The following PTPRM variants were observed in gnomAD, a reference collection of about 807,000 sequenced individuals.
PTPRM encodes protein tyrosine phosphatase receptor type M, also known as receptor-type tyrosine-protein phosphatase mu.
In PTPRM, 47 loss-of-function variants were observed where a neutral mutation model predicts 186.7. The ratio of observed to expected loss-of-function variants is 0.25; its 90% CI spans 0.20 to 0.32. The LOEUF is 0.32. Among genes scored for constraint, PTPRM ranks in the 10% least tolerant of loss-of-function variants. PTPRM has a pLI of 1.00. For missense variants in PTPRM, 1,494 were observed against 1,865.0 expected, an observed-to-expected ratio of 0.80 and a Z score of 3.66; for synonymous variants, 668 against 674.9, an observed-to-expected ratio of 0.99 and a Z score of 0.16.
intron 19 of PTPRM, among the ~76,000 whole-genome samples, chr18:8,261,227 C>G (rs1022266907): frequency 6.6e-6 from 1 of 152,142 alleles, no homozygotes; most frequent in Non-Finnish European, 1.5e-5. Context: ...CAAAACCAAA[C>G]CATTGAAGGC....
intron 14 of PTPRM, among the ~76,000 whole-genome samples, chr18:8,192,712 T>G (rs2093725098): frequency 6.6e-6 from 1 of 152,226 alleles, no homozygotes; most frequent in African/African-American, 2.4e-5. Flanking sequence ...AGAGAATGAC[T>G]ATTTTGCAAA....
At chr18:8,380,528 G>A in intron 29 of PTPRM, 101 bp downstream of exon 29, 1 of 1,373,556 alleles carries the variant, frequency 7.3e-7, no homozygotes, top group South Asian at 1.3e-5. Context: ...CCTAGTGCCA[G>A]ATCTCAAGTG....
intron 24 of PTPRM, among the ~76,000 whole-genome samples, chr18:8,372,053 A>ATTTTTTTTTTTTTTTTT (rs2095665582): frequency 5.8e-5 from 4 of 68,508 alleles, no homozygotes; most frequent in Non-Finnish European, 1.3e-4. Flanking sequence ...TCCACTCTAT[A>ATTTTTTTTTTTTTTTTT]TTCTTTTTTT....
intron 7 of PTPRM, among the ~76,000 whole-genome samples, chr18:8,058,917 A>C (rs2088241478): frequency 1.3e-5 from 1 of 79,562 alleles, no homozygotes; most frequent in Admixed American, 1.2e-4. Context: ...CTTTTGGCTT[A>C]GGATTGACTT....
At chr18:7,990,593 A>G (rs1378676714) in intron 7 of PTPRM, among the ~76,000 whole-genome samples, 1 of 152,148 alleles carries the variant, frequency 6.6e-6, no homozygotes, top group African/African-American at 2.4e-5. Context: ...ATGATTCAGG[A>G]GTTCTTCCCA....
chr18:8,056,337 C>T (rs1237639822), intron 7 of PTPRM, among the ~76,000 whole-genome samples: 3 of 152,184 alleles, frequency 2.0e-5, no homozygotes, highest in Non-Finnish European at 2.9e-5. Context: ...AACTCATAAT[C>T]GCACATTAGG....
intron 14 of PTPRM, among the ~76,000 whole-genome samples, chr18:8,165,014 C>G (rs902553549): frequency 8.6e-5 from 13 of 151,770 alleles, no homozygotes; most frequent in Non-Finnish European, 4.4e-5. Flanking sequence ...ACTAAAAATA[C>G]AAAAATTAGC....
chr18:8,048,086 G>A (rs995596560), intron 7 of PTPRM, among the ~76,000 whole-genome samples: 3 of 152,120 alleles, frequency 2.0e-5, no homozygotes, highest in Non-Finnish European at 2.9e-5. Flanking sequence ...AGCAAATTGA[G>A]CTTACTCAGA....
intron 11 of PTPRM, among the ~76,000 whole-genome samples, chr18:8,104,502 T>C (rs2091432851): frequency 1.3e-5 from 2 of 152,190 alleles, no homozygotes. Context: ...TGGAGTGCAG[T>C]AGCATGATCA....
chr18:7,748,228 G>A (rs569057734), intron 1 of PTPRM, among the ~76,000 whole-genome samples: 21 of 152,326 alleles, frequency 1.4e-4, no homozygotes, highest in African/African-American at 5.1e-4. Flanking sequence ...CTTGAAATGT[G>A]GCTAGAGTCT....
intron 1 of PTPRM, among the ~76,000 whole-genome samples, chr18:7,651,599 A>C (rs938719783): frequency 1.3e-5 from 2 of 152,010 alleles, no homozygotes; most frequent in African/African-American, 4.8e-5. Context: ...ATAATGCCGC[A>C]TATCTACAAC....
intron 11 of PTPRM, among the ~76,000 whole-genome samples, chr18:8,108,070 G>T (rs1249251836): frequency 6.6e-6 from 1 of 152,156 alleles, no homozygotes; most frequent in Admixed American, 6.6e-5. Context: ...AATAAATTCA[G>T]TGTGGCTGCA....
chr18:7,626,327 T>G (rs547026150), intron 1 of PTPRM, among the ~76,000 whole-genome samples: 1 of 152,356 alleles, frequency 6.6e-6, no homozygotes, highest in Non-Finnish European at 1.5e-5. Flanking sequence ...TAAAAGGGTT[T>G]AATGATCTTT....
rs561209360 is a variant in PTPRM at position 8,156,805 on chromosome 18, T to G, written c.2300+13026T>G. Among the ~76,000 whole-genome samples, 5 of 151,592 alleles carry G rather than the reference T, an allele frequency of 3.3e-5. No homozygotes were observed. The South Asian group carries it at 1.1e-3, about 32-fold the overall frequency. On this transcript the variant is annotated intron_variant, in intron 14 of 32. Coordinates refer to ENST00000580170, the MANE Select transcript of PTPRM (RefSeq NM_001105244.2). ...CTGCCAGCATGTCTTATTCTTTTCT[T>G]TGAGCCATCATTGCAGAATAGCTAA... is the stretch of plus-strand genomic sequence containing the variant.
At chr18:7,695,915 G>T (rs914031547) in intron 1 of PTPRM, among the ~76,000 whole-genome samples, 1 of 152,162 alleles carries the variant, frequency 6.6e-6, no homozygotes, top group Admixed American at 6.5e-5. Flanking sequence ...ATTCTGTGTT[G>T]TAAAATTTAT....
chr18:7,619,268 A>C (rs2143950489), intron 1 of PTPRM, among the ~76,000 whole-genome samples: 1 of 152,326 alleles, frequency 6.6e-6, no homozygotes, highest in South Asian at 2.1e-4. Flanking sequence ...CAGAGGATTT[A>C]GTTCTGGGAG....
intron 3 of PTPRM, among the ~76,000 whole-genome samples, chr18:7,899,526 CTG>C (rs1439126595): frequency 1.3e-5 from 2 of 152,168 alleles, no homozygotes; most frequent in African/African-American, 2.4e-5. Flanking sequence ...TAAGGTGACT[CTG>C]TGATTCTGTC....
intron 4 of PTPRM, among the ~76,000 whole-genome samples, chr18:7,912,117 G>T (rs1048644126): frequency 6.6e-6 from 1 of 152,092 alleles, no homozygotes; most frequent in African/African-American, 2.4e-5. Context: ...CTCCCAAAGT[G>T]CTGGGATTAC....
At chr18:8,122,733 G>T (rs2092219276) in intron 13 of PTPRM, among the ~76,000 whole-genome samples, 1 of 152,092 alleles carries the variant, frequency 6.6e-6, no homozygotes. Flanking sequence ...ACCTTGCCTG[G>T]TCTAGTTTGC....
Sources: allele counts gnomAD v4.1 joint callset (sites outside exome capture counted in the v4.1 genomes callset), GRCh38; gene constraint gnomAD v4.1.1; transcripts MANE v1.5; gene names NCBI Gene and HGNC (gene_info 2026-07-23, HGNC 2026-07-21).